SPATA6L: variants seen among roughly 807,000 people sequenced by gnomAD.
SPATA6L encodes spermatogenesis associated 6-like protein.
Under a neutral mutation model 49.2 loss-of-function variants are expected in SPATA6L, and 68 were observed. The observed-to-expected ratio is 1.38, with a 90% confidence interval of 1.14 to 1.69. The LOEUF is 1.69. SPATA6L is among the 40% of genes most tolerant of loss of function. The probability of loss-of-function intolerance (pLI) is 0.00; values close to 1 mark genes in which losing one functional copy is unlikely to be tolerated. For missense variants in SPATA6L, 668 were observed against 464.3 expected, an observed-to-expected ratio of 1.44 and a Z score of -4.03; for synonymous variants, 198 against 165.7, an observed-to-expected ratio of 1.19 and a Z score of -1.50.
At position 4,604,181 on chromosome 9, in the gene SPATA6L, T is replaced by G; in HGVS notation, c.1178A>C (p.Ter393SerextTer26). ...TGCTTACTTACATAAGACAGTACCT[T>G]AAAAATATCTCTGTTCATGCAGTGA... is the stretch of plus-strand genomic sequence containing the variant. ...KYSLHEQRYF[*>S] The change falls in exon 11 of 12, where the codon TAA becomes TCA. Residue 393 changes from the stop codon to serine (S), a stop_lost and splice_region_variant. Coordinates refer to ENST00000682582, the MANE Select transcript of SPATA6L (RefSeq NM_001353486.2). 1 of 1,606,388 alleles carries G rather than the reference T, an allele frequency of 6.2e-7. No individual in the cohort carries two copies. The highest frequency in any genetic ancestry group is 8.5e-7 in the Non-Finnish European group (1 of 1,175,036).
intron 2 of SPATA6L, among the ~76,000 whole-genome samples, chr9:4,657,055 T>C (rs1838442737): frequency 6.6e-6 from 1 of 152,226 alleles, no homozygotes; most frequent in Non-Finnish European, 1.5e-5. Context: ...CAAATCTTTA[T>C]ATTTTCTTCT....
chr9:4,645,498 G>C (rs1017165625), intron 3 of SPATA6L, among the ~76,000 whole-genome samples: 1 of 152,154 alleles, frequency 6.6e-6, no homozygotes, highest in African/African-American at 2.4e-5. Context: ...CACATAGTGA[G>C]GGTGCTGAGC....
At position 4,599,573 on chromosome 9, in the gene SPATA6L, C is replaced by A. The variant is rs906446598; in HGVS notation, c.*1238G>T. Among the ~76,000 whole-genome samples, 1 of 152,180 alleles carries A rather than the reference C, an allele frequency of 6.6e-6. No homozygotes were observed. Among genetic ancestry groups the A allele is most frequent in the African/African-American group, 2.4e-5 (1 of 41,438 alleles). On this transcript the variant is annotated 3_prime_UTR_variant, in exon 12 of 12. Transcript: ENST00000682582. ...TTACAAACTACAGGAATTCATTTCTCACAGTTCTGGAAGCTGGGAAGTCCA... is the reference window on the plus strand; with the variant it reads ...TTACAAACTACAGGAATTCATTTCTAACAGTTCTGGAAGCTGGGAAGTCCA...
At chr9:4,629,769 G>GTGTGTGTGTGTATGTATATATA (rs1311805859) in intron 4 of SPATA6L, among the ~76,000 whole-genome samples, 1 of 101,936 alleles carries the variant, frequency 9.8e-6, no homozygotes, top group Admixed American at 1.1e-4. Context: ...GTGTGTGTGT[G>GTGTGTGTGTGTATGTATATATA]TATATATATA....
At chr9:4,652,667 C>A (rs992185796) in intron 3 of SPATA6L, among the ~76,000 whole-genome samples, 3 of 151,472 alleles carry the variant, frequency 2.0e-5, no homozygotes, top group Non-Finnish European at 4.4e-5. Context: ...CATGCAGAAA[C>A]CCCGTTTCTA....
intron 3 of SPATA6L, among the ~76,000 whole-genome samples, chr9:4,652,179 C>G (rs301485): frequency 0.63 from 96,106 of 152,028 alleles, 32,586 homozygotes; most frequent in African/African-American, 0.89. Context: ...CCAGCACTTT[C>G]GGAGGCCAAG....
chr9:4,607,875 TC>T (rs2130187774), intron 9 of SPATA6L, among the ~76,000 whole-genome samples: 1 of 150,488 alleles, frequency 6.6e-6, no homozygotes, highest in African/African-American at 2.4e-5. Context: ...TCAAGACCCA[TC>T]AGTGTGCTGT....
chr9:4,662,240 C>T lies in SPATA6L; in HGVS notation c.40-204G>A, dbSNP rs532823649. ...TTCCAACTCCCTCCCACGTCTCCAC[C>T]AGGTGTCACAATCGCGCTCTCGCCG... is the stretch of plus-strand genomic sequence containing the variant. On this transcript the variant is annotated intron_variant, in intron 1 of 11. Coordinates refer to ENST00000682582, the MANE Select transcript of SPATA6L (RefSeq NM_001353486.2). This position sits in a 1 kb window ranked among gnomAD's most constrained non-coding sequence, Gnocchi z 4.9. 3.7e-5 allele frequency: 53 copies of T among 1,434,648 alleles called. No individual in the cohort carries two copies. In the East Asian group the frequency reaches 1.2e-3, roughly 33 times the overall value. The allele number at this position is 1,434,648 out of a possible 1,614,324, so 88.9% of individuals were successfully genotyped here. A position where few individuals can be genotyped will look rare whatever the true frequency, so the allele number is the denominator to read the frequency against.
chr9:4,605,680 A>G (rs58453685), intron 9 of SPATA6L, among the ~76,000 whole-genome samples: 2,221 of 152,322 alleles, frequency 0.015, 50 homozygotes, highest in African/African-American at 0.051. Flanking sequence ...GCTATGAGTG[A>G]TTCTTTTCTT....
chr9:4,607,045 C>A (rs201192793), intron 9 of SPATA6L, among the ~76,000 whole-genome samples: 2 of 149,884 alleles, frequency 1.3e-5, no homozygotes, highest in African/African-American at 5.0e-5. Flanking sequence ...AGGGTATCAG[C>A]GATGGAAGAT....
downstream of SPATA6L, among the ~76,000 whole-genome samples, chr9:4,596,275 T>C (rs1822250288): frequency 6.6e-6 from 1 of 151,938 alleles, no homozygotes; most frequent in Admixed American, 6.6e-5. Context: ...ACAAGTTGAG[T>C]GGGTCCATGC....
intron 6 of SPATA6L, 111 bp from the exon 7 acceptor site, chr9:4,622,621 A>T: frequency 2.7e-6 from 2 of 737,898 alleles, no homozygotes. Context: ...CGGGTTGGAA[A>T]AAGAAGGCTG....
intron 13 of SPATA6L, among the ~76,000 whole-genome samples, chr9:4,591,453 T>C (rs1821894456): frequency 6.6e-6 from 1 of 152,214 alleles, no homozygotes; most frequent in South Asian, 2.1e-4. Flanking sequence ...GCAGGTCTGA[T>C]GGATCTCAGA....
chr9:4,593,472 C>G (rs187920577), downstream of SPATA6L, among the ~76,000 whole-genome samples: 4 of 152,248 alleles, frequency 2.6e-5, no homozygotes, highest in Admixed American at 2.6e-4. Flanking sequence ...TTTTCCAAAA[C>G]CAGGGATGGG....
At chr9:4,653,481 C>A (rs142592933) in intron 3 of SPATA6L, among the ~76,000 whole-genome samples, 3 of 152,062 alleles carry the variant, frequency 2.0e-5, no homozygotes, top group African/African-American at 7.2e-5. Context: ...AAAGCACAAG[C>A]AACAAAGGAA....
chr9:4,632,577 C>T (rs1430894694), intron 4 of SPATA6L, among the ~76,000 whole-genome samples: 1 of 139,928 alleles, frequency 7.1e-6, no homozygotes, highest in Non-Finnish European at 1.5e-5. Context: ...GCCTGGGCAA[C>T]AGAGCAAGAC....
intron 13 of SPATA6L, among the ~76,000 whole-genome samples, chr9:4,593,146 C>A (rs1383243896): frequency 2.0e-5 from 3 of 152,178 alleles, no homozygotes; most frequent in African/African-American, 4.8e-5. Flanking sequence ...GATTCCAAGT[C>A]TTTTCCTAAC....
rs187917447 is a variant in SPATA6L at position 4,617,960 on chromosome 9, A to T, written c.958T>A (p.Ser320Thr). The T allele has an allele frequency of 1.5e-3, 2,459 of 1,613,784 alleles. 42 individuals carry two copies. Among genetic ancestry groups the T allele is most frequent in the East Asian group, 2.1e-3 (96 of 44,864 alleles). The change falls in exon 9 of 12, where the codon TCT (serine) becomes ACT (threonine). Residue 320 changes from serine (S) to threonine (T), a missense_variant. Ser to Thr is a moderately conservative substitution (Grantham distance 58). Coordinates refer to ENST00000682582, the MANE Select transcript of SPATA6L (RefSeq NM_001353486.2). ...AGGGGCTGATCCAAGGGGCCAGGAG[A>T]GGTGGAATGCTGGTAGGTGGCAAAT... ...ASFATYQHST[S>T]PGPLDQPLLR...
chr9:4,613,804 G>C (rs772103617), intron 9 of SPATA6L, among the ~76,000 whole-genome samples: 2 of 152,104 alleles, frequency 1.3e-5, no homozygotes, highest in African/African-American at 2.4e-5. Flanking sequence ...GGCTGGTCTT[G>C]AATTCCTGAC....
Sources: allele counts gnomAD v4.1 joint callset (sites outside exome capture counted in the v4.1 genomes callset), GRCh38; gene constraint gnomAD v4.1.1; non-coding constraint Gnocchi (gnomAD v3.1); transcripts MANE v1.5; gene names NCBI Gene and HGNC (gene_info 2026-07-23, HGNC 2026-07-21).